Variants in PCDHA4 observed in about 807,000 individuals in gnomAD.
The protein encoded by PCDHA4 is protocadherin alpha 4.
Under a neutral mutation model 61.4 loss-of-function variants are expected in PCDHA4, and 49 were observed. The ratio of observed to expected loss-of-function variants is 0.80; its 90% CI spans 0.63 to 1.01. PCDHA4 has a LOEUF of 1.01. Ranked by LOEUF, PCDHA4 falls within the 50% of genes least tolerant of loss-of-function variation. The pLI is 0.00. For missense variants in PCDHA4, 1,254 were observed against 1,235.8 expected, an observed-to-expected ratio of 1.01 and a Z score of -0.22; for synonymous variants, 590 against 550.3, an observed-to-expected ratio of 1.07 and a Z score of -1.01.
intron 1 of PCDHA4, among the ~76,000 whole-genome samples, chr5:140,887,841 T>C (rs1024646010): frequency 2.6e-5 from 4 of 152,224 alleles, no homozygotes; most frequent in African/African-American, 7.2e-5. Context: ...ATATCTTTTA[T>C]TGACATATTT....
chr5:140,814,184 T>C (rs1765454808), intron 1 of PCDHA4: 1 of 152,684 alleles, frequency 6.5e-6, no homozygotes, highest in Admixed American at 6.5e-5. Context: ...TTTTGACTTT[T>C]AATTTTTTTA....
At chr5:140,881,143 A>G (rs1554171794) in intron 1 of PCDHA4, among the ~76,000 whole-genome samples, 1 of 152,228 alleles carries the variant, frequency 6.6e-6, no homozygotes, top group Non-Finnish European at 1.5e-5. Flanking sequence ...AGTTATAACA[A>G]TAGATAAAAG....
At chr5:140,966,198 T>C in intron 1 of PCDHA4, 1 of 214,428 alleles carries the variant, frequency 4.7e-6, no homozygotes, top group Non-Finnish European at 9.1e-6. Context: ...TTCTAGGGGC[T>C]TGACTGCTTT....
At chr5:140,912,648 A>G (rs1161381718) in intron 1 of PCDHA4, among the ~76,000 whole-genome samples, 1 of 152,164 alleles carries the variant, frequency 6.6e-6, no homozygotes, top group African/African-American at 2.4e-5. Flanking sequence ...TATGTTGAAT[A>G]GAAGTGGTGA....
intron 1 of PCDHA4, among the ~76,000 whole-genome samples, chr5:140,932,536 T>G (rs1176427449): frequency 1.3e-5 from 2 of 151,940 alleles, no homozygotes. Flanking sequence ...TTCAAGGTGC[T>G]TTATTTAACA....
At chr5:140,869,615 G>T in intron 1 of PCDHA4, 2 of 1,613,858 alleles carry the variant, frequency 1.2e-6, no homozygotes, top group Non-Finnish European at 1.7e-6. Flanking sequence ...TTGACCTACA[G>T]GCTAAGTAAA....
chr5:140,809,147 C>T lies in PCDHA4; in HGVS notation c.1960C>T (p.His654Tyr), dbSNP rs1554125027. 4 of 1,613,916 alleles carry T rather than the reference C, an allele frequency of 2.5e-6. No individual in the cohort carries two copies. The highest frequency in any genetic ancestry group is 2.5e-6 in the Non-Finnish European group (3 of 1,179,918). Reference sequence around the variant, plus strand: ...CCGCCTACTGGTACTGGTGAAGGACCACGGCGAGCCCGCGCTGACGGCCAC... The same window carrying T: ...CCGCCTACTGGTACTGGTGAAGGACTACGGCGAGCCCGCGCTGACGGCCAC... ...RHRLLVLVKD[H>Y]GEPALTATAT... Residue 654 changes from histidine to tyrosine, a missense_variant, in exon 1 of 4, where the codon CAC becomes TAC. Coordinates refer to ENST00000530339, the MANE Select transcript of PCDHA4 (RefSeq NM_018907.4).
At chr5:140,894,296 C>T (rs1434101692) in intron 1 of PCDHA4, among the ~76,000 whole-genome samples, 4 of 151,798 alleles carry the variant, frequency 2.6e-5, no homozygotes, top group African/African-American at 4.8e-5. Flanking sequence ...AGTTTATTTT[C>T]CTGGAAAGTT....
At chr5:140,943,846 A>C (rs1209903373) in intron 1 of PCDHA4, among the ~76,000 whole-genome samples, 1 of 152,242 alleles carries the variant, frequency 6.6e-6, no homozygotes, top group African/African-American at 2.4e-5. Context: ...GTAAGATGTC[A>C]CAGAAGTCAA....
intron 1 of PCDHA4, among the ~76,000 whole-genome samples, chr5:140,896,282 A>G (rs1326876303): frequency 2.0e-5 from 3 of 152,224 alleles, no homozygotes; most frequent in Non-Finnish European, 4.4e-5. Context: ...GCTGGCTTGA[A>G]TGGTAAGTTC....
chr5:140,998,855 C>T (rs544471391), intron 3 of PCDHA4, among the ~76,000 whole-genome samples: 63 of 152,320 alleles, frequency 4.1e-4, no homozygotes, highest in Admixed American at 2.1e-3. Context: ...GAGCCACATG[C>T]CTGGCCTTGT....
chr5:140,958,468 G>T (rs1554223482), intron 1 of PCDHA4, among the ~76,000 whole-genome samples: 6 of 152,040 alleles, frequency 3.9e-5, no homozygotes, highest in Non-Finnish European at 8.8e-5. Flanking sequence ...ACTTCTGCTG[G>T]CTTAAAGAGC....
Position 140,848,482 on chromosome 5 carries a change from A to G in PCDHA4, c.2385+38910A>G, listed in dbSNP as rs1562444784. ...GGCAATTTTCACTAATTAGAAGAAG[A>G]CTGAGTATTTGAAATGTTATACTCA... On this transcript the variant is annotated intron_variant, in intron 1 of 3. Transcript: ENST00000530339. 3 of 1,569,886 alleles carry G rather than the reference A, an allele frequency of 1.9e-6. 1 individual carries two copies. In the African/African-American group the frequency reaches 4.1e-5, roughly 21 times the overall value.
chr5:140,853,968 T>C lies in PCDHA4; in HGVS notation c.2385+44396T>C. On this transcript the variant is annotated intron_variant, in intron 1 of 3. Transcript: ENST00000530339. ...AGGGTCCCTTCCTTGAGCCCAGCAG[T>C]TTGAGACCAATGTAGTGAGACTCAT... 9 of 656,022 alleles carry C rather than the reference T, an allele frequency of 1.4e-5. 1 individual carries two copies. The highest frequency in any genetic ancestry group is 1.7e-5 in the Non-Finnish European group (9 of 516,032). 40.6% of individuals were successfully genotyped at this position (656,022 alleles called of 1,614,324 possible).
At chr5:140,884,917 C>G (rs1343503909) in intron 1 of PCDHA4, among the ~76,000 whole-genome samples, 1 of 152,168 alleles carries the variant, frequency 6.6e-6, no homozygotes, top group Non-Finnish European at 1.5e-5. Flanking sequence ...CTTAATAGTT[C>G]TAAGTATTTA....
chr5:140,872,381 A>G (rs1211312378), intron 1 of PCDHA4, among the ~76,000 whole-genome samples: 2 of 152,058 alleles, frequency 1.3e-5, no homozygotes, highest in Non-Finnish European at 2.9e-5. Context: ...AATCCCAGCT[A>G]TTTGGGAGGC....
intron 1 of PCDHA4, among the ~76,000 whole-genome samples, chr5:140,917,197 C>T (rs928492760): frequency 2.6e-5 from 4 of 152,236 alleles, no homozygotes; most frequent in African/African-American, 7.2e-5. Flanking sequence ...TCTCTCCAAC[C>T]CTCTTCAATG....
chr5:140,871,644 C>A, intron 1 of PCDHA4: 2 of 1,286,330 alleles, frequency 1.6e-6, no homozygotes, highest in Non-Finnish European at 2.1e-6. Flanking sequence ...CATAAAATAC[C>A]AAATGATACA....
At chr5:140,919,254 T>A (rs1554198989) in intron 1 of PCDHA4, among the ~76,000 whole-genome samples, 1 of 152,266 alleles carries the variant, frequency 6.6e-6, no homozygotes. Context: ...CTGTTTTGTC[T>A]GATATTAGTG....
Sources: allele counts gnomAD v4.1 joint callset (sites outside exome capture counted in the v4.1 genomes callset), GRCh38; gene constraint gnomAD v4.1.1; transcripts MANE v1.5; gene names NCBI Gene and HGNC (gene_info 2026-07-23, HGNC 2026-07-21).